ST18: variants seen among roughly 807,000 people sequenced by gnomAD.
The protein encoded by ST18 is suppression of tumorigenicity 18 protein.
In ST18, 50 loss-of-function variants were observed where a neutral mutation model predicts 110.0. The ratio of observed to expected loss-of-function variants is 0.45; its 90% CI spans 0.36 to 0.58. ST18 has a LOEUF of 0.58. Among genes scored for constraint, ST18 ranks in the 20% least tolerant of loss-of-function variants. The pLI, the probability that ST18 is intolerant of heterozygous loss-of-function variation, is 0.00. For synonymous variants in ST18, 461 were observed against 452.4 expected, an observed-to-expected ratio of 1.02 and a Z score of -0.24; for missense variants, 1,306 against 1,280.1, an observed-to-expected ratio of 1.02 and a Z score of -0.31.
rs767456102 is a variant in ST18 at position 52,149,861 on chromosome 8, G to A, written c.1923C>T (p.Ser641=). ...TSSNTSIPTP[S]SSPFKTSSIL... ...TGCTGCTTGTTTTGAATGGGGAAGA[G>A]GAAGGAGTTGGAATAGAAGTGTTAG... Residue 641 remains serine (S), a synonymous_variant, in exon 16 of 26, where the codon TCC becomes TCT. Transcript: ENST00000689386. The A allele has an allele frequency of 5.6e-6, 9 of 1,614,030 alleles. No homozygotes were observed. The highest frequency in any genetic ancestry group is 1.7e-5 in the Admixed American group (1 of 60,000).
intron 2 of ST18, among the ~76,000 whole-genome samples, chr8:52,234,258 A>G (rs1365346476): frequency 1.3e-5 from 2 of 151,052 alleles, no homozygotes; most frequent in African/African-American, 4.8e-5. Context: ...TTAAAGAACT[A>G]AAAGTAGAAC....
At chr8:52,323,930 C>A (rs564248368) in intron 2 of ST18, among the ~76,000 whole-genome samples, 16 of 152,208 alleles carry the variant, frequency 1.1e-4, no homozygotes, top group Non-Finnish European at 1.9e-4. Context: ...GTTTTGGTAA[C>A]CTGAAGAGCA....
chr8:52,200,232 G>A (rs1040249805), intron 8 of ST18, among the ~76,000 whole-genome samples: 1 of 152,202 alleles, frequency 6.6e-6, no homozygotes, highest in Non-Finnish European at 1.5e-5. Flanking sequence ...GTTGGATTGT[G>A]TGTCAAAAGG....
chr8:52,175,243 C>G (rs752267652), intron 9 of ST18, among the ~76,000 whole-genome samples: 10 of 152,166 alleles, frequency 6.6e-5, no homozygotes, highest in Non-Finnish European at 1.2e-4. Context: ...CCTGCCCCAG[C>G]TACTATTTTA....
At chr8:52,277,457 A>G (rs1008788471) in intron 2 of ST18, among the ~76,000 whole-genome samples, 1 of 152,210 alleles carries the variant, frequency 6.6e-6, no homozygotes, top group Admixed American at 6.5e-5. Context: ...TTCCACTGCA[A>G]TGTTGAGATT....
chr8:52,171,869 A>G lies in ST18; in HGVS notation c.992T>C (p.Leu331Pro). ...HNTYKELDRF[L>P]LEHLAGERRQ... ...CCTTTCCCCTGCTAGGTGCTCCAGC[A>G]GGAACCTATCCAGCTCTTTGTAGGT... Residue 331 changes from leucine to proline, a missense_variant, in exon 10 of 26, where the codon CTG becomes CCG. Physicochemically the swap from Leu to Pro is moderately conservative, Grantham distance 98. Coordinates refer to ENST00000689386, the MANE Select transcript of ST18 (RefSeq NM_001352837.2). The G allele has an allele frequency of 6.2e-7, 1 of 1,614,260 alleles. No homozygotes were observed.
At chr8:52,118,297 T>C in intron 24 of ST18, 41 bp downstream of exon 24, 1 of 1,349,542 alleles carries the variant, frequency 7.4e-7, no homozygotes, top group Non-Finnish European at 1.0e-6. Context: ...CACCAAAGAT[T>C]ATGATTACAT....
At chr8:52,142,161 GTCTGGGAAAGA>G (rs2055392219) in intron 17 of ST18, among the ~76,000 whole-genome samples, 1 of 152,154 alleles carries the variant, frequency 6.6e-6, no homozygotes, top group Admixed American at 6.5e-5. Flanking sequence ...CTGGAGATCG[GTCTGGGAAAGA>G]TTCAGGAGGG....
intron 22 of ST18, among the ~76,000 whole-genome samples, chr8:52,129,008 A>G (rs545582920): frequency 1.3e-5 from 2 of 152,276 alleles, no homozygotes; most frequent in South Asian, 4.1e-4. Context: ...AATATGTAAC[A>G]TATAAAAGCC....
chr8:52,193,161 G>T (rs1389095960), intron 8 of ST18, among the ~76,000 whole-genome samples: 1 of 152,222 alleles, frequency 6.6e-6, no homozygotes, highest in Non-Finnish European at 1.5e-5. Context: ...GAGGAACTTG[G>T]CAAGGATGAA....
rs147833326 is a variant in ST18 at position 52,348,801 on chromosome 8, A to C, written c.-465+60527T>G. On this transcript the variant is annotated intron_variant, in intron 2 of 25. Coordinates refer to ENST00000689386, the MANE Select transcript of ST18 (RefSeq NM_001352837.2). ...GTATGAAGTTGTGAAGTATATATAC[A>C]TTGTGAAATGACTAAATCTAGCTAA... Among the ~76,000 whole-genome samples, 84 of 152,348 alleles carry C rather than the reference A, an allele frequency of 5.5e-4. No homozygotes were observed. In the East Asian group the frequency reaches 0.013, roughly 24 times the overall value.
chr8:52,351,975 T>A (rs555010828), intron 2 of ST18, among the ~76,000 whole-genome samples: 9 of 152,284 alleles, frequency 5.9e-5, no homozygotes, highest in African/African-American at 1.7e-4. Context: ...ATCAAAAAAA[T>A]TTATATGCAA....
chr8:52,380,120 G>T (rs1211678403), intron 2 of ST18, among the ~76,000 whole-genome samples: 5 of 151,874 alleles, frequency 3.3e-5, no homozygotes, highest in African/African-American at 4.9e-5. Flanking sequence ...CCAGGAAGCA[G>T]AGAAAAGTCA....
chr8:52,141,726 C>T (rs2055154223), intron 17 of ST18, among the ~76,000 whole-genome samples: 1 of 152,130 alleles, frequency 6.6e-6, no homozygotes. Context: ...GCAGAGGGAA[C>T]AGCAACCCTA....
chr8:52,237,065 G>C (rs1467165998), intron 2 of ST18, among the ~76,000 whole-genome samples: 5 of 152,132 alleles, frequency 3.3e-5, no homozygotes, highest in African/African-American at 1.2e-4. Flanking sequence ...TGTTAAAAGG[G>C]ATATAACAGA....
chr8:52,318,811 A>G (rs2096073366), intron 2 of ST18, among the ~76,000 whole-genome samples: 1 of 152,124 alleles, frequency 6.6e-6, no homozygotes, highest in Admixed American at 6.5e-5. Context: ...TAGCAAACTA[A>G]CACAGGAACA....
intron 2 of ST18, among the ~76,000 whole-genome samples, chr8:52,235,269 C>A (rs957241235): frequency 6.6e-6 from 1 of 152,160 alleles, no homozygotes; most frequent in Non-Finnish European, 1.5e-5. Flanking sequence ...CTCCTGAACT[C>A]CTCCTGCCCC....
chr8:52,226,890 C>T (rs371763514), intron 3 of ST18, among the ~76,000 whole-genome samples: 1 of 152,226 alleles, frequency 6.6e-6, no homozygotes, highest in African/African-American at 2.4e-5. Flanking sequence ...AGACATTTTC[C>T]ATTTTCCTTA....
At chr8:52,268,370 C>T (rs2094941847) in intron 2 of ST18, among the ~76,000 whole-genome samples, 1 of 152,148 alleles carries the variant, frequency 6.6e-6, no homozygotes, top group Non-Finnish European at 1.5e-5. Flanking sequence ...AGCTCCTTCC[C>T]AACATTCAGC....
Sources: allele counts gnomAD v4.1 joint callset (sites outside exome capture counted in the v4.1 genomes callset), GRCh38; gene constraint gnomAD v4.1.1; transcripts MANE v1.5; gene names NCBI Gene and HGNC (gene_info 2026-07-23, HGNC 2026-07-21).